MTARC2: variants seen among roughly 807,000 people sequenced by gnomAD.
MTARC2 encodes the protein mitochondrial amidoxime reducing component 2.
MTARC2 carries 27 observed loss-of-function variants against 35.6 expected under a neutral mutation model. The ratio of observed to expected loss-of-function variants is 0.76; its 90% CI spans 0.56 to 1.04. MTARC2 has a LOEUF of 1.04. Ranked by LOEUF, MTARC2 falls within the 50% of genes least tolerant of loss-of-function variation. MTARC2 has a pLI of 0.00. For synonymous variants in MTARC2, 158 were observed against 167.1 expected (o/e 0.95, Z 0.42); for missense variants, 412 against 432.5 (o/e 0.95, Z 0.42).
At position 220,783,919 on chromosome 1, in the gene MTARC2, G is replaced by C. The variant is rs1024035715; in HGVS notation, c.*32G>C. 2.8e-6 allele frequency: 2 copies of C among 717,406 alleles called. No individual in the cohort carries two copies. The highest frequency in any genetic ancestry group is 2.6e-6 in the Non-Finnish European group (1 of 385,074). The allele number at this position is 717,406 out of a possible 1,614,324, so 44.4% of individuals were successfully genotyped here. A position where few individuals can be genotyped will look rare whatever the true frequency, so the allele number is the denominator to read the frequency against. ...CCAGAGATTCTTATTATTTATTCAG[G>C]CTTCAGCAACCAGGAGGGATTGACT... On this transcript the variant is annotated splice_region_variant and 3_prime_UTR_variant, in exon 8 of 8. Coordinates refer to ENST00000366913, the MANE Select transcript of MTARC2 (RefSeq NM_017898.5).
intron 2 of MTARC2, among the ~76,000 whole-genome samples, chr1:220,756,962 G>A (rs555876459): frequency 2.5e-4 from 38 of 152,364 alleles, no homozygotes; most frequent in African/African-American, 9.1e-4. Flanking sequence ...GAGTGCAATG[G>A]CACGATCTTG....
chr1:220,756,358 C>A (rs1458074421), intron 2 of MTARC2: 1 of 152,240 alleles, frequency 6.6e-6, no homozygotes, highest in African/African-American at 2.4e-5. Flanking sequence ...AAGCTGAAAT[C>A]CACAACTCAT....
chr1:220,751,156 T>C (rs1572289605), intron 1 of MTARC2, among the ~76,000 whole-genome samples: 1 of 152,248 alleles, frequency 6.6e-6, no homozygotes, highest in African/African-American at 2.4e-5. Flanking sequence ...AATTCCATTC[T>C]GAACCTGTGT....
Position 220,781,805 on chromosome 1 carries a change from G to C in MTARC2, c.912G>C (p.Arg304Ser), listed in dbSNP as rs1026168816. The change falls in exon 7 of 8, where the codon AGG (arginine) becomes AGC (serine). Residue 304 changes from arginine (R) to serine (S), a missense_variant. Transcript: ENST00000366913. ...ACCGCCTGTGTGATCCTTCTGAGAGGGAATTGTACAAGTTGTCTCCACTTT... is the reference window on the plus strand; with the variant it reads ...ACCGCCTGTGTGATCCTTCTGAGAGCGAATTGTACAAGTTGTCTCCACTTT... ...KSYRLCDPSE[R>S]ELYKLSPLFG... 2 of 1,614,072 alleles carry C rather than the reference G, an allele frequency of 1.2e-6. No individual in the cohort carries two copies. Among genetic ancestry groups the C allele is most frequent in the Admixed American group, 3.3e-5 (2 of 59,996 alleles).
chr1:220,764,266 T>A (rs571593754), intron 4 of MTARC2, among the ~76,000 whole-genome samples: 1 of 152,252 alleles, frequency 6.6e-6, no homozygotes, highest in Admixed American at 6.5e-5. Context: ...CTAATTTTTG[T>A]ACTTTTAGTA....
intron 4 of MTARC2, among the ~76,000 whole-genome samples, chr1:220,774,669 C>T (rs1320563365): frequency 6.7e-6 from 1 of 149,044 alleles, no homozygotes; most frequent in Non-Finnish European, 1.5e-5. Flanking sequence ...TGAACTGCTG[C>T]TCTGATCTGT....
chr1:220,783,695 TA>T (rs1672142943), intron 7 of MTARC2, among the ~76,000 whole-genome samples: 1 of 152,208 alleles, frequency 6.6e-6, no homozygotes, highest in African/African-American at 2.4e-5. Context: ...ATAGATATGA[TA>T]ACAGGCACTT....
chr1:220,773,662 G>C (rs1394062210), intron 4 of MTARC2, among the ~76,000 whole-genome samples: 1 of 152,058 alleles, frequency 6.6e-6, no homozygotes, highest in Non-Finnish European at 1.5e-5. Flanking sequence ...TGAATTGTTG[G>C]ACACCCAATT....
At chr1:220,750,788 C>T (rs1671105158) in intron 1 of MTARC2, among the ~76,000 whole-genome samples, 1 of 152,152 alleles carries the variant, frequency 6.6e-6, no homozygotes. Context: ...AGTATCCCAT[C>T]CAAGGCCAGA....
At chr1:220,767,177 A>T (rs1368716788) in intron 4 of MTARC2, among the ~76,000 whole-genome samples, 1 of 152,134 alleles carries the variant, frequency 6.6e-6, no homozygotes, top group Non-Finnish European at 1.5e-5. Context: ...AAATGACGCT[A>T]ATGTTGCTGA....
chr1:220,771,296 CA>C (rs57776178), intron 4 of MTARC2, among the ~76,000 whole-genome samples: 260 of 57,080 alleles, frequency 4.6e-3, no homozygotes, highest in Admixed American at 8.1e-3. Context: ...GAGACTGTCT[CA>C]AAAAAAAAAA....
chr1:220,755,161 G>T (rs1671242200), intron 2 of MTARC2, 41 bp downstream of exon 2: 1 of 1,547,094 alleles, frequency 6.5e-7, no homozygotes, highest in African/African-American at 1.4e-5. Flanking sequence ...CAACAGGCTT[G>T]GTTTCTCTTC....
chr1:220,756,473 CGAG>C (rs1432223190), intron 2 of MTARC2: 2 of 152,212 alleles, frequency 1.3e-5, no homozygotes, highest in Non-Finnish European at 2.9e-5. Context: ...ACTTTACAAA[CGAG>C]GAAACCACGT....
chr1:220,762,979 A>T lies in MTARC2; in HGVS notation c.679A>T (p.Met227Leu), dbSNP rs1162049722. ...DASLVDLNTR[M>L]EKKMKMENFR... ...CTCCCTGGTAGATTTGAATACCAGG[A>T]TGGAGAAGAAAATGAAAATGGAGAA... is the stretch of plus-strand genomic sequence containing the variant. Residue 227 changes from methionine to leucine, a missense_variant, in exon 4 of 8, where the codon ATG (methionine) becomes TTG (leucine). Coordinates refer to ENST00000366913, the MANE Select transcript of MTARC2 (RefSeq NM_017898.5). The T allele has an allele frequency of 1.9e-6, 3 of 1,614,054 alleles. No individual in the cohort carries two copies. The highest frequency in any genetic ancestry group is 2.5e-6 in the Non-Finnish European group (3 of 1,180,010).
At chr1:220,755,694 G>T (rs1352699367) in intron 2 of MTARC2, among the ~76,000 whole-genome samples, 2 of 152,106 alleles carry the variant, frequency 1.3e-5, no homozygotes, top group Non-Finnish European at 2.9e-5. Context: ...ACTCTGGATG[G>T]GTTGGTGTTC....
At chr1:220,770,528 G>A in intron 4 of MTARC2, 1 of 985,436 alleles carries the variant, frequency 1.0e-6, no homozygotes, top group Non-Finnish European at 1.2e-6. Flanking sequence ...TTCAAATACA[G>A]ATGTTGGAGT....
chr1:220,783,259 T>C (rs1353150412), intron 7 of MTARC2, among the ~76,000 whole-genome samples: 1 of 152,210 alleles, frequency 6.6e-6, no homozygotes, highest in Non-Finnish European at 1.5e-5. Flanking sequence ...CATCTTACAA[T>C]TGGTATATCT....
chr1:220,784,794 T>G lies in MTARC2; in HGVS notation c.*907T>G, dbSNP rs571508175. The G allele has an allele frequency of 5.9e-5, 9 of 152,358 alleles. No homozygotes were observed. The highest frequency in any genetic ancestry group is 2.2e-4 in the African/African-American group (9 of 41,588). 9.4% of individuals were successfully genotyped at this position (152,358 alleles called of 1,614,324 possible). On this transcript the variant is annotated 3_prime_UTR_variant, in exon 8 of 8. Transcript: ENST00000366913. ...TTATGGTTTCTTTGTAAATAATAAA[T>G]GTGAATCTCAATCCTGCTTTATCTT...
At chr1:220,764,181 C>T (rs1230089266) in intron 4 of MTARC2, among the ~76,000 whole-genome samples, 1 of 152,026 alleles carries the variant, frequency 6.6e-6, no homozygotes, top group Non-Finnish European at 1.5e-5. Flanking sequence ...GCAAACTCCA[C>T]CTCCTGGGTT....
Sources: allele counts gnomAD v4.1 joint callset (sites outside exome capture counted in the v4.1 genomes callset), GRCh38; gene constraint gnomAD v4.1.1; transcripts MANE v1.5; gene names NCBI Gene and HGNC (gene_info 2026-07-23, HGNC 2026-07-21).